Variants in PRH1 observed in about 807,000 individuals in gnomAD.
PRH1 encodes the protein proline rich protein HaeIII subfamily 1, also known as salivary acidic proline-rich phosphoprotein 1/2.
A neutral mutation model predicts 7.9 loss-of-function variants in PRH1; 7 were observed. The observed-to-expected ratio is 0.89, with a 90% CI of 0.50 to 1.67. The LOEUF is 1.67. PRH1 is among the 40% of genes most tolerant of loss of function. The pLI is 0.00. For missense variants in PRH1, 109 were observed against 223.6 expected, an observed-to-expected ratio of 0.49 and a Z score of 3.27; for synonymous variants, 45 against 80.8, an observed-to-expected ratio of 0.56 and a Z score of 2.38.
intron 2 of PRH1, chr12:10,932,244 A>G (rs1950224325): frequency 4.6e-6 from 2 of 437,044 alleles, no homozygotes; most frequent in Non-Finnish European, 9.4e-6. Context: ...TAAGAAGATG[A>G]CAGTGTTTCA....
In PRH1 at chr12:11,138,278, G is replaced by C. The variant is rs77038897; in HGVS notation, n.40-17098C>G. 4.6e-5 allele frequency among the ~76,000 whole-genome samples: 7 copies of C among 152,114 alleles called. No homozygotes were observed. The East Asian group carries it at 1.4e-3, about 29-fold the overall frequency. ...ATGCTTTTTCACATTCTTAGCTATG[G>C]TGACTAAATCTGTTATCTTACTATA... On this transcript the variant is annotated intron_variant and non_coding_transcript_variant, in intron 1 of 1. Coordinates refer to the PRH1 transcript ENST00000541175.
chr12:10,909,284 C>T (rs1387344007), intron 2 of PRH1: 6 of 1,611,946 alleles, frequency 3.7e-6, no homozygotes, highest in Admixed American at 3.3e-5. Context: ...AGATACTCGG[C>T]AGGGCACTTT....
intron 2 of PRH1, among the ~76,000 whole-genome samples, chr12:10,894,744 T>C (rs1949620339): frequency 6.6e-6 from 1 of 152,166 alleles, no homozygotes; most frequent in Admixed American, 6.6e-5. Flanking sequence ...TACTATTAAA[T>C]ACATAATCTC....
intron 2 of PRH1, among the ~76,000 whole-genome samples, chr12:10,962,533 A>T (rs1170003679): frequency 2.0e-5 from 3 of 152,176 alleles, no homozygotes; most frequent in Non-Finnish European, 4.4e-5. Flanking sequence ...TTACTCTGAA[A>T]AATGCTTCTT....
At chr12:11,115,006 C>T (rs1000396083) in intron 1 of PRH1, among the ~76,000 whole-genome samples, 1 of 151,994 alleles carries the variant, frequency 6.6e-6, no homozygotes, top group East Asian at 1.9e-4. Context: ...CACAACATAA[C>T]CAGAAAACAA....
At chr12:11,062,312 G>T (rs1300988316) in intron 1 of PRH1, 4 of 1,582,376 alleles carry the variant, frequency 2.5e-6, no homozygotes, top group South Asian at 2.3e-5. Flanking sequence ...CAGACAAAAA[G>T]AAATTTTTAA....
chr12:11,081,569 G>A lies in PRH1; in HGVS notation n.124-34381C>T, dbSNP rs182817446. ...GAAAGAAACTAGAAATTAAGTTGATGTGAGTAGCTTTTTTTGGATATTAGC... is the reference window on the plus strand; with the variant it reads ...GAAAGAAACTAGAAATTAAGTTGATATGAGTAGCTTTTTTTGGATATTAGC... On this transcript the variant is annotated intron_variant and non_coding_transcript_variant, in intron 1 of 4. Transcript: ENST00000541977. Among the ~76,000 whole-genome samples the A allele has an allele frequency of 2.0e-3, 229 of 116,560 alleles. 55 individuals are homozygous for A. The East Asian group carries it at 0.02, about 10-fold the overall frequency. 76.5% of individuals were successfully genotyped at this position (116,560 alleles called of 152,430 possible).
chr12:10,933,546 C>T (rs7305629), intron 2 of PRH1, among the ~76,000 whole-genome samples: 148,053 of 152,128 alleles, frequency 0.97, 72,151 homozygotes, highest in Middle Eastern at 1. Flanking sequence ...GACTTGATTC[C>T]AGGAATGTTA....
intron 3 of PRH1, among the ~76,000 whole-genome samples, chr12:10,881,380 A>G (rs1210238964): frequency 6.6e-6 from 1 of 152,216 alleles, no homozygotes; most frequent in Non-Finnish European, 1.5e-5. Flanking sequence ...TGAGAATGTG[A>G]ATCCAGCCTT....
At chr12:10,958,570 GA>G (rs572402358) in intron 2 of PRH1, among the ~76,000 whole-genome samples, 16 of 150,152 alleles carry the variant, frequency 1.1e-4, no homozygotes, top group Admixed American at 7.9e-4. Context: ...GCTAAAAAAA[GA>G]AAAAAAAACT....
At chr12:11,152,002 T>C (rs1425899141) in intron 1 of PRH1, among the ~76,000 whole-genome samples, 2 of 152,072 alleles carry the variant, frequency 1.3e-5, no homozygotes, top group African/African-American at 4.8e-5. Flanking sequence ...TACATAGGTA[T>C]TATTTTTACA....
intron 1 of PRH1, among the ~76,000 whole-genome samples, chr12:11,072,641 C>A (rs191436160): frequency 8.1e-3 from 1,232 of 152,104 alleles, no homozygotes; most frequent in Middle Eastern, 0.017. Context: ...ATGGCCTCTA[C>A]CAAAATCAGA....
At chr12:11,138,056 C>G (rs1340796040) in intron 1 of PRH1, among the ~76,000 whole-genome samples, 1 of 152,066 alleles carries the variant, frequency 6.6e-6, no homozygotes, top group African/African-American at 2.4e-5. Flanking sequence ...AATGTATTTT[C>G]AATGATTTAT....
intron 1 of PRH1, among the ~76,000 whole-genome samples, chr12:11,068,725 C>T (rs1474781698): frequency 6.6e-6 from 1 of 152,142 alleles, no homozygotes; most frequent in Non-Finnish European, 1.5e-5. Context: ...GTATATTTCT[C>T]TACTTAGATC....
Position 11,085,820 on chromosome 12 carries a change from T to C in PRH1, n.124-38632A>G, listed in dbSNP as rs1450686358. Among the ~76,000 whole-genome samples, 9 of 120,940 alleles carry C rather than the reference T, an allele frequency of 7.4e-5. 2 individuals are homozygous for C. The highest frequency in any genetic ancestry group is 1.6e-4 in the Non-Finnish European group (8 of 51,218). 79.3% of individuals were successfully genotyped at this position (120,940 alleles called of 152,430 possible). A position where few individuals can be genotyped will look rare whatever the true frequency, so the allele number is the denominator to read the frequency against. On this transcript the variant is annotated intron_variant and non_coding_transcript_variant, in intron 1 of 4. Coordinates refer to the PRH1 transcript ENST00000541977. ...TTGTTTAACCTGTCTATAATTTGTG[T>C]TCAGCAATGTCGGTTGTTAGGGAAA...
rs1180058499 is a variant in PRH1, at chr12:11,096,582, T to C, written n.124-49394A>G. On this transcript the variant is annotated intron_variant and non_coding_transcript_variant, in intron 1 of 4. Coordinates refer to the PRH1 transcript ENST00000541977. ...TAAAAGCAGGATCTAGGCAGCCTCA[T>C]GAAACTCGGAAAAAACTGGAAATTG... Among the ~76,000 whole-genome samples, 3 of 115,478 alleles carry C rather than the reference T, an allele frequency of 2.6e-5. 1 individual carries two copies. In the South Asian group the frequency reaches 7.1e-4, roughly 27 times the overall value. The allele number at this position is 115,478 out of a possible 152,430, so 75.8% of individuals were successfully genotyped here.
rs144903904 is a variant in PRH1 at position 10,964,765 on chromosome 12, C to A, written c.-59+8890G>T. 7.7e-5 allele frequency: 50 copies of A among 648,800 alleles called. No individual in the cohort carries two copies. In the East Asian group the frequency reaches 1.7e-3, roughly 22 times the overall value. 40.2% of individuals were successfully genotyped at this position (648,800 alleles called of 1,614,324 possible). On this transcript the variant is annotated intron_variant, in intron 2 of 3. Coordinates refer to the PRH1 transcript ENST00000539853. ...GTTTACACAAAGAACAGATTAAGAG[C>A]AGAAAAGATAACAGGGACAGAGTAA...
chr12:11,053,436 CT>C (rs142320892), intron 1 of PRH1, among the ~76,000 whole-genome samples: 1 of 145,728 alleles, frequency 6.9e-6, no homozygotes. Flanking sequence ...AAATCAAAAT[CT>C]TTTTATAGTG....
chr12:10,886,665 T>A (rs1447125982), upstream of PRH1, among the ~76,000 whole-genome samples: 1 of 152,176 alleles, frequency 6.6e-6, no homozygotes. Flanking sequence ...TAGATGTTCA[T>A]ATTCTGAGGC....
Sources: allele counts gnomAD v4.1 joint callset (sites outside exome capture counted in the v4.1 genomes callset), GRCh38; gene constraint gnomAD v4.1.1; transcripts MANE v1.5; gene names NCBI Gene and HGNC (gene_info 2026-07-23, HGNC 2026-07-21).